KCNK9: variants seen among roughly 807,000 people sequenced by gnomAD.
KCNK9 encodes the protein potassium channel subfamily K member 9.
Under a neutral mutation model 10.8 loss-of-function variants are expected in KCNK9, and 1 was observed. The observed-to-expected ratio is 0.09, with a 90% CI of 0.03 to 0.44. The LOEUF (loss-of-function observed/expected upper bound fraction) is 0.44, where lower values mean the gene tolerates loss of function less well. Among genes scored for constraint, KCNK9 ranks in the 20% least tolerant of loss-of-function variants. KCNK9 has a pLI of 0.97. For missense variants in KCNK9, 303 were observed against 515.0 expected (o/e 0.59, Z 3.98); for synonymous variants, 231 against 222.7 (o/e 1.04, Z -0.33).
chr8:139,656,770 G>A lies in KCNK9; in HGVS notation c.284-37671C>T, dbSNP rs1345616566. ...ATGCAGAAGCCTAGCCCAGGCCACC[G>A]TGATCTCTCACCCGGACAGAGGCCA... On this transcript the variant is annotated intron_variant, in intron 1 of 1. Transcript: ENST00000520439. Among the ~76,000 whole-genome samples the A allele has an allele frequency of 3.9e-5, 6 of 151,974 alleles. No individual in the cohort carries two copies. In the South Asian group the frequency reaches 6.2e-4, roughly 16 times the overall value.
chr8:139,640,266 G>A (rs993086203), intron 1 of KCNK9, among the ~76,000 whole-genome samples: 2 of 152,184 alleles, frequency 1.3e-5, no homozygotes, highest in Non-Finnish European at 2.9e-5. Flanking sequence ...TCAGCGGCAG[G>A]GCTTGTGACT....
intron 1 of KCNK9, among the ~76,000 whole-genome samples, chr8:139,656,057 A>G (rs571304695): frequency 6.6e-6 from 1 of 152,316 alleles, no homozygotes; most frequent in Non-Finnish European, 1.5e-5. Context: ...GCTCCGGGAC[A>G]TTCAAACAAT....
At chr8:139,608,135 C>A (rs1012192781), downstream of KCNK9, among the ~76,000 whole-genome samples, 2 of 152,226 alleles carry the variant, frequency 1.3e-5, no homozygotes, top group African/African-American at 4.8e-5. Flanking sequence ...CTCCAAGGAA[C>A]TGACTCACCC....
At chr8:139,633,486 G>GATTAT (rs1388894867) in intron 1 of KCNK9, among the ~76,000 whole-genome samples, 1 of 152,168 alleles carries the variant, frequency 6.6e-6, no homozygotes, top group Non-Finnish European at 1.5e-5. Flanking sequence ...CGACTAATAG[G>GATTAT]TGGCAGTCTT....
At chr8:139,621,363 A>AG (rs1345391303) in intron 1 of KCNK9, among the ~76,000 whole-genome samples, 1 of 152,122 alleles carries the variant, frequency 6.6e-6, no homozygotes, top group Non-Finnish European at 1.5e-5. Flanking sequence ...AGTGAACCCC[A>AG]GGCAGGACAA....
chr8:139,648,882 C>G (rs1815770836), intron 1 of KCNK9, among the ~76,000 whole-genome samples: 1 of 152,194 alleles, frequency 6.6e-6, no homozygotes, highest in South Asian at 2.1e-4. Flanking sequence ...ACTGCCTTTC[C>G]TGGATTTTAA....
chr8:139,674,550 G>A (rs1211290329), intron 1 of KCNK9, among the ~76,000 whole-genome samples: 2 of 152,164 alleles, frequency 1.3e-5, no homozygotes, highest in Non-Finnish European at 2.9e-5. Context: ...AGGAGCCTGG[G>A]GCTCCCTCAT....
chr8:139,681,015 G>A (rs1157390461), intron 1 of KCNK9, among the ~76,000 whole-genome samples: 2 of 152,256 alleles, frequency 1.3e-5, no homozygotes, highest in Non-Finnish European at 2.9e-5. Context: ...TTTCGTGTCT[G>A]CTCTTTTTGC....
intron 1 of KCNK9, among the ~76,000 whole-genome samples, chr8:139,629,892 T>G (rs1815105963): frequency 6.6e-6 from 1 of 152,172 alleles, no homozygotes; most frequent in South Asian, 2.1e-4. Flanking sequence ...ACGGTCACAT[T>G]GGAAGTTAGG....
intron 1 of KCNK9, among the ~76,000 whole-genome samples, chr8:139,640,555 G>T (rs1025936696): frequency 6.6e-6 from 1 of 152,172 alleles, no homozygotes; most frequent in Admixed American, 6.5e-5. Flanking sequence ...CTAGCATGGA[G>T]CACTGTACTT....
intron 1 of KCNK9, among the ~76,000 whole-genome samples, chr8:139,652,442 G>A (rs996000258): frequency 2.0e-5 from 3 of 152,204 alleles, no homozygotes; most frequent in Non-Finnish European, 4.4e-5. Context: ...GCAACACCTG[G>A]TCACCCTGAG....
intron 1 of KCNK9, among the ~76,000 whole-genome samples, chr8:139,677,209 G>T (rs1182030713): frequency 6.6e-6 from 1 of 152,144 alleles, no homozygotes; most frequent in Non-Finnish European, 1.5e-5. Flanking sequence ...AGGTGGTGTA[G>T]CGGCTGCACC....
chr8:139,645,513 C>T (rs575282012), intron 1 of KCNK9, among the ~76,000 whole-genome samples: 2 of 152,168 alleles, frequency 1.3e-5, no homozygotes, highest in Non-Finnish European at 1.5e-5. Flanking sequence ...ACATTGAGGC[C>T]GGTACCACCT....
chr8:139,681,611 T>TG (rs1357333420), intron 1 of KCNK9, among the ~76,000 whole-genome samples: 3 of 152,170 alleles, frequency 2.0e-5, no homozygotes, highest in Non-Finnish European at 2.9e-5. Context: ...GGTCACCCTG[T>TG]GCTGAGGGGC....
At chr8:139,675,989 A>G (rs989371994) in intron 1 of KCNK9, among the ~76,000 whole-genome samples, 9 of 152,222 alleles carry the variant, frequency 5.9e-5, no homozygotes, top group African/African-American at 1.7e-4. Flanking sequence ...GGCCTGAGGC[A>G]TGAGAAATGT....
At chr8:139,666,167 C>T (rs1312243953) in intron 1 of KCNK9, among the ~76,000 whole-genome samples, 1 of 152,190 alleles carries the variant, frequency 6.6e-6, no homozygotes, top group Non-Finnish European at 1.5e-5. Flanking sequence ...AGGGGAGTCA[C>T]AGTAAATACC....
chr8:139,703,092 G>A lies in KCNK9; in HGVS notation c.-100C>T. ...GGCGGCCGCCGCCGCCTCCTCCTCC[G>A]CCGCCGCCGCCGCCGCCTCCAAGTT... On this transcript the variant is annotated 5_prime_UTR_variant, in exon 1 of 2. Coordinates refer to ENST00000520439, the MANE Select transcript of KCNK9 (RefSeq NM_001282534.2). The surrounding 1 kb of genome is among the most constrained non-coding windows in gnomAD (Gnocchi z 6.4). The A allele has an allele frequency of 3.4e-6, 3 of 872,482 alleles. No individual in the cohort carries two copies. The highest frequency in any genetic ancestry group is 4.5e-6 in the Non-Finnish European group (3 of 667,872). The allele number at this position is 872,482 out of a possible 1,614,324, so 54.0% of individuals were successfully genotyped here. A position where few individuals can be genotyped will look rare whatever the true frequency, so the allele number is the denominator to read the frequency against.
intron 1 of KCNK9, among the ~76,000 whole-genome samples, chr8:139,682,793 G>A (rs544412085): frequency 6.6e-6 from 1 of 152,296 alleles, no homozygotes; most frequent in African/African-American, 2.4e-5. Flanking sequence ...AGTAGGTGAC[G>A]TTGCCGTAGT....
chr8:139,689,933 G>GC (rs2129791042), intron 1 of KCNK9, among the ~76,000 whole-genome samples: 2 of 152,220 alleles, frequency 1.3e-5, no homozygotes, highest in African/African-American at 4.8e-5. Context: ...GAGCCACCAC[G>GC]CCCGGCCACC....
Sources: gnomAD v4.1 joint callset for allele counts (sites outside exome capture counted in the v4.1 genomes callset) on GRCh38, gnomAD v4.1.1 for gene constraint, Gnocchi (gnomAD v3.1) non-coding constraint, MANE v1.5 for transcripts, NCBI Gene and HGNC (gene_info 2026-07-23, HGNC 2026-07-21) for gene names.